Variants in CYREN observed in about 807,000 individuals in gnomAD.
CYREN encodes the protein cell cycle regulator of NHEJ.
Under a neutral mutation model 9.7 loss-of-function variants are expected in CYREN, and 7 were observed. The ratio of observed to expected loss-of-function variants is 0.72; its 90% CI spans 0.41 to 1.36. The LOEUF (loss-of-function observed/expected upper bound fraction) is 1.36. Ranked by LOEUF, CYREN falls within the 40% of genes most tolerant of loss-of-function variation. The pLI is 0.01. For synonymous variants in CYREN, 76 were observed against 77.9 expected (o/e 0.98, Z 0.13); for missense variants, 215 against 198.1 (o/e 1.09, Z -0.51).
intron 2 of CYREN, among the ~76,000 whole-genome samples, chr7:135,159,223 A>G (rs1035695): frequency 0.48 from 72,771 of 152,094 alleles, 17,737 homozygotes; most frequent in South Asian, 0.65. Flanking sequence ...AAATGGATCC[A>G]CTTACTATTC....
downstream of CYREN, chr7:135,164,568 C>T (rs1161522418): frequency 6.2e-7 from 1 of 1,614,092 alleles, no homozygotes; most frequent in Non-Finnish European, 8.5e-7. Context: ...CACTGACCTG[C>T]CCAACCTGAG....
intron 2 of CYREN, among the ~76,000 whole-genome samples, chr7:135,123,728 G>A (rs1212491907): frequency 6.6e-6 from 1 of 152,126 alleles, no homozygotes; most frequent in African/African-American, 2.4e-5. Context: ...AAAAGATTGG[G>A]AGTCAATATT....
At chr7:135,161,848 C>CG (rs755327593), downstream of CYREN, among the ~76,000 whole-genome samples, 30 of 152,344 alleles carry the variant, frequency 2.0e-4, no homozygotes, top group Non-Finnish European at 3.2e-4. The surrounding 1 kb of genome is among the most constrained non-coding windows in gnomAD (Gnocchi z 4.1). Flanking sequence ...TCCACTCTGA[C>CG]TGTCCCCACT....
chr7:135,140,951 G>A (rs1259552012), intron 2 of CYREN, among the ~76,000 whole-genome samples: 7 of 152,072 alleles, frequency 4.6e-5, no homozygotes, highest in Admixed American at 6.6e-5. Flanking sequence ...TGCCGGATTC[G>A]GTTTGCTAGT....
intron 2 of CYREN, among the ~76,000 whole-genome samples, chr7:135,155,115 A>T (rs528489408): frequency 6.6e-6 from 1 of 152,262 alleles, no homozygotes; most frequent in African/African-American, 2.4e-5. Flanking sequence ...ACTATTTTTA[A>T]TTTAAAGTCA....
At chr7:135,133,448 G>A (rs562281200) in intron 2 of CYREN, among the ~76,000 whole-genome samples, 48 of 152,250 alleles carry the variant, frequency 3.2e-4, no homozygotes, top group African/African-American at 3.4e-4. Flanking sequence ...TTTATCTGCC[G>A]ATGCATTAAA....
chr7:135,111,863 A>C (rs777643493), intron 2 of CYREN, among the ~76,000 whole-genome samples: 1 of 152,074 alleles, frequency 6.6e-6, no homozygotes, highest in Non-Finnish European at 1.5e-5. Flanking sequence ...GACAACCATC[A>C]TATTTTTTAA....
downstream of CYREN, among the ~76,000 whole-genome samples, chr7:135,161,290 C>T (rs1325018269): frequency 1.3e-5 from 2 of 152,190 alleles, no homozygotes; most frequent in African/African-American, 4.8e-5. This position sits in a 1 kb window ranked among gnomAD's most constrained non-coding sequence, Gnocchi z 4.1. Flanking sequence ...CGAGGAGCCA[C>T]ATTAATTTTT....
intron 2 of CYREN, among the ~76,000 whole-genome samples, chr7:135,152,360 G>A (rs1025002241): frequency 9.2e-5 from 14 of 152,206 alleles, no homozygotes; most frequent in African/African-American, 3.4e-4. Context: ...GTTAATGCAC[G>A]TAAAGGGCCA....
In CYREN at chr7:135,151,923, G is replaced by C. The variant is rs1284579987; in HGVS notation, n.356+16826C>G. ...TCACAACCAAACATAAATGAGACCA[G>C]CTTCCTAGAGTTCATCTCTGGGAAT... On this transcript the variant is annotated intron_variant and non_coding_transcript_variant, in intron 2 of 2. Coordinates refer to the CYREN transcript ENST00000459937. The surrounding 1 kb of genome is among the most constrained non-coding windows in gnomAD (Gnocchi z 4.3). 6.6e-6 allele frequency among the ~76,000 whole-genome samples: 1 copy of C among 152,108 alleles called. No homozygotes were observed. Among genetic ancestry groups the C allele is most frequent in the African/African-American group, 2.4e-5 (1 of 41,410 alleles).
upstream of CYREN, among the ~76,000 whole-genome samples, chr7:135,171,497 C>G (rs1252442838): frequency 3.3e-5 from 5 of 150,542 alleles, no homozygotes; most frequent in Non-Finnish European, 7.4e-5. Context: ...AACTCCCTGC[C>G]CTGTTCTGTT....
chr7:135,094,224 C>G (rs1215667968), exon 3 of CYREN: 3 of 362,818 alleles, frequency 8.3e-6, no homozygotes, highest in South Asian at 2.1e-5. Flanking sequence ...GCTTGAAAGT[C>G]AACATTCCTG....
rs1218613351 is a variant in CYREN, at chr7:135,115,283, G to A, written n.357-20701C>T. ...TAAAGTACAAGCTTCAGATGGGCAAGGAATTTTAGATAAAATCCTTGGCAT... is the reference window on the plus strand; with the variant it reads ...TAAAGTACAAGCTTCAGATGGGCAAAGAATTTTAGATAAAATCCTTGGCAT... On this transcript the variant is annotated intron_variant and non_coding_transcript_variant, in intron 2 of 2. Coordinates refer to the CYREN transcript ENST00000459937. The A allele has an allele frequency of 3.4e-5, 26 of 764,626 alleles. No individual in the cohort carries two copies. The East Asian group carries it at 7.1e-4, about 21-fold the overall frequency. 47.4% of individuals were successfully genotyped at this position (764,626 alleles called of 1,614,324 possible).
intron 2 of CYREN, among the ~76,000 whole-genome samples, chr7:135,157,347 C>T (rs898340626): frequency 1.2e-4 from 19 of 152,206 alleles, no homozygotes; most frequent in African/African-American, 4.1e-4. Flanking sequence ...TCAGTGTTCT[C>T]TGTGATTTCC....
chr7:135,101,786 T>C (rs1823867968), intron 2 of CYREN, among the ~76,000 whole-genome samples: 2 of 152,316 alleles, frequency 1.3e-5, no homozygotes, highest in South Asian at 4.1e-4. Flanking sequence ...ATGGTTGATA[T>C]GGTTTGCCTG....
intron 2 of CYREN, chr7:135,147,719 C>T: frequency 2.2e-6 from 1 of 454,646 alleles, no homozygotes. Flanking sequence ...AGGAGGTGAC[C>T]TGGGTCCTGA....
intron 2 of CYREN, among the ~76,000 whole-genome samples, chr7:135,143,629 G>T (rs77605660): frequency 0.031 from 4,781 of 151,988 alleles, 239 homozygotes; most frequent in African/African-American, 0.11. Flanking sequence ...ACCAATCTAA[G>T]AAATGAAGTG....
In CYREN at chr7:135,110,541, G is replaced by A. The variant is rs563587537; in HGVS notation, n.357-15959C>T. 5.9e-5 allele frequency among the ~76,000 whole-genome samples: 9 copies of A among 152,258 alleles called. No individual in the cohort carries two copies. The South Asian group carries it at 1.0e-3, about 18-fold the overall frequency. ...AGCTGCAAAGATCTGTGGGAGAAGC[G>A]TGGGTCCCCATCATCACTCACTGAC... On this transcript the variant is annotated intron_variant and non_coding_transcript_variant, in intron 2 of 2. Transcript: ENST00000459937.
chr7:135,136,467 G>T (rs1829348019), intron 2 of CYREN, among the ~76,000 whole-genome samples: 1 of 152,064 alleles, frequency 6.6e-6, no homozygotes, highest in African/African-American at 2.4e-5. Flanking sequence ...AAGTATCCTG[G>T]TTCTCAAAGA....
Sources: gnomAD v4.1 joint callset for allele counts (sites outside exome capture counted in the v4.1 genomes callset) on GRCh38, gnomAD v4.1.1 for gene constraint, Gnocchi (gnomAD v3.1) non-coding constraint, MANE v1.5 for transcripts, NCBI Gene and HGNC (gene_info 2026-07-23, HGNC 2026-07-21) for gene names.